RALGAPA1: variants seen among roughly 807,000 people sequenced by gnomAD.
RALGAPA1 encodes ral GTPase-activating protein subunit alpha-1.
Under a neutral mutation model 269.6 loss-of-function variants are expected in RALGAPA1, and 52 were observed. The ratio of observed to expected loss-of-function variants is 0.19; its 90% confidence interval spans 0.15 to 0.24. RALGAPA1 has a LOEUF of 0.24. Ranked by LOEUF, RALGAPA1 falls within the 10% of genes least tolerant of loss-of-function variation. RALGAPA1 has a pLI of 1.00. For synonymous variants in RALGAPA1, 817 were observed against 1,008.3 expected, an observed-to-expected ratio of 0.81 and a Z score of 3.60; for missense variants, 1,917 against 3,013.9, an observed-to-expected ratio of 0.64 and a Z score of 8.52.
intron 3 of RALGAPA1, among the ~76,000 whole-genome samples, chr14:35,771,669 T>C (rs941578160): frequency 1.3e-5 from 2 of 152,172 alleles, no homozygotes; most frequent in Admixed American, 1.3e-4. Flanking sequence ...TTCTTTTTTT[T>C]CCCCCTTTAG....
chr14:35,790,071 G>A (rs2076049501), intron 1 of RALGAPA1, among the ~76,000 whole-genome samples: 1 of 151,984 alleles, frequency 6.6e-6, no homozygotes, highest in Non-Finnish European at 1.5e-5. Context: ...TAGCCAACAT[G>A]GTGAAACCCC....
At chr14:35,652,429 A>G (rs2062894124) in intron 30 of RALGAPA1, among the ~76,000 whole-genome samples, 1 of 151,202 alleles carries the variant, frequency 6.6e-6, no homozygotes, top group Non-Finnish European at 1.5e-5. Context: ...CTTTTTATTT[A>G]TTTATTTTTT....
intron 41 of RALGAPA1, chr14:35,541,918 CAGAGAGAGAGG>C: frequency 1.5e-6 from 1 of 649,100 alleles, no homozygotes; most frequent in Non-Finnish European, 2.5e-6. Context: ...AACTGAGGAG[CAGAGAGAGAGG>C]AATCAAGGTT....
At chr14:35,781,575 AATCTATCT>A (rs34164383) in intron 1 of RALGAPA1, among the ~76,000 whole-genome samples, 46,531 of 150,670 alleles carry the variant, frequency 0.31, 9,202 homozygotes, top group African/African-American at 0.55. Context: ...TAGAAAACTG[AATCTATCT>A]ATCTATCTAT....
At chr14:35,592,703 C>G (rs1355603207) in intron 37 of RALGAPA1, among the ~76,000 whole-genome samples, 1 of 152,140 alleles carries the variant, frequency 6.6e-6, no homozygotes, top group East Asian at 1.9e-4. Context: ...TTAACACACA[C>G]AAATCAATTG....
chr14:35,768,394 TA>T (rs1388337823), intron 4 of RALGAPA1, among the ~76,000 whole-genome samples: 2 of 152,220 alleles, frequency 1.3e-5, no homozygotes, highest in East Asian at 3.9e-4. Flanking sequence ...GAATGTTTTA[TA>T]AAATATAAAA....
rs562498710 is a variant in RALGAPA1, at chr14:35,651,448, C to T, written c.5676+357G>A. Among the ~76,000 whole-genome samples, 8 of 152,180 alleles carry T rather than the reference C, an allele frequency of 5.3e-5. No homozygotes were observed. The South Asian group carries it at 1.7e-3, about 32-fold the overall frequency. ...CGTATCTCTATATATTTTATCTTTA[C>T]TTTCTATCTATACAAAAACAAGTGG... On this transcript the variant is annotated intron_variant, in intron 31 of 41. Coordinates refer to ENST00000680220, the MANE Select transcript of RALGAPA1 (RefSeq NM_001346249.2).
chr14:35,592,050 C>T (rs1387237370), intron 37 of RALGAPA1, among the ~76,000 whole-genome samples: 1 of 152,166 alleles, frequency 6.6e-6, no homozygotes, highest in Non-Finnish European at 1.5e-5. Context: ...GTCAATTACA[C>T]CTCTTTTGTT....
intron 16 of RALGAPA1, among the ~76,000 whole-genome samples, chr14:35,710,696 TAA>T (rs1711639645): frequency 6.6e-6 from 1 of 152,368 alleles, no homozygotes; most frequent in Admixed American, 6.5e-5. Flanking sequence ...TTATGGATTA[TAA>T]AACTCAATTT....
intron 1 of RALGAPA1, among the ~76,000 whole-genome samples, chr14:35,794,682 T>C (rs1386510291): frequency 6.6e-6 from 1 of 152,152 alleles, no homozygotes; most frequent in African/African-American, 2.4e-5. Context: ...TGGTCTCATC[T>C]CCTGACCTCG....
At chr14:35,570,224 C>T (rs915828254) in intron 39 of RALGAPA1, among the ~76,000 whole-genome samples, 9 of 149,958 alleles carry the variant, frequency 6.0e-5, no homozygotes, top group African/African-American at 1.5e-4. Context: ...GAGCTGAGAT[C>T]GTGCCACTGC....
intron 37 of RALGAPA1, among the ~76,000 whole-genome samples, chr14:35,587,104 G>T (rs2058346641): frequency 1.3e-5 from 2 of 152,096 alleles, no homozygotes; most frequent in Non-Finnish European, 2.9e-5. Context: ...GACTGTTGTT[G>T]GTTTGTAGGC....
rs567243582 is a variant in RALGAPA1, at chr14:35,597,635, A to G, written c.7054-1846T>C. Among the ~76,000 whole-genome samples the G allele has an allele frequency of 2.0e-4, 30 of 152,264 alleles. No homozygotes were observed. The South Asian group carries it at 6.2e-3, about 32-fold the overall frequency. On this transcript the variant is annotated intron_variant, in intron 36 of 41. Transcript: ENST00000680220. Reference sequence around the variant, plus strand: ...CTGACGACATTGATATAGTTAAGAGAGCATGTTCAAAAATTCAAGAATCCC... The same window carrying G: ...CTGACGACATTGATATAGTTAAGAGGGCATGTTCAAAAATTCAAGAATCCC...
intron 30 of RALGAPA1, among the ~76,000 whole-genome samples, chr14:35,654,000 G>A (rs1465749835): frequency 1.3e-5 from 2 of 152,092 alleles, no homozygotes; most frequent in African/African-American, 4.8e-5. Context: ...CTAATAAATT[G>A]TTTTTTGTTT....
chr14:35,648,118 AAAC>A (rs2062573174), intron 31 of RALGAPA1, among the ~76,000 whole-genome samples: 1 of 151,408 alleles, frequency 6.6e-6, no homozygotes, highest in Non-Finnish European at 1.5e-5. Flanking sequence ...CTACTGAAAA[AAAC>A]AAAAAAAAAA....
chr14:35,748,816 A>G lies in RALGAPA1; in HGVS notation c.1020T>C (p.Ala340=), dbSNP rs576888485. 55 of 1,582,860 alleles carry G rather than the reference A, an allele frequency of 3.5e-5. 1 individual carries two copies. The highest frequency in any genetic ancestry group is 1.9e-4 in the Middle Eastern group (1 of 5,364). ...TTTCTTCTCTGGATACTAAACTAGC[A>G]GCTGCTCTCTAAAATACAAAAAAAA... The part of the protein sequence containing the change: ...EVLPKNIQRA[A]ASLVSREESK... The change falls in exon 10 of 42, where the codon GCT becomes GCC. Residue 340 remains alanine (A), a synonymous_variant. Coordinates refer to ENST00000680220, the MANE Select transcript of RALGAPA1 (RefSeq NM_001346249.2).
chr14:35,703,417 T>C (rs2067533783), intron 16 of RALGAPA1, among the ~76,000 whole-genome samples: 1 of 152,178 alleles, frequency 6.6e-6, no homozygotes, highest in African/African-American at 2.4e-5. Context: ...AGGTCAACGC[T>C]ACAATGAGCC....
chr14:35,593,311 TATAAA>T (rs1434990271), intron 37 of RALGAPA1, among the ~76,000 whole-genome samples: 1 of 152,160 alleles, frequency 6.6e-6, no homozygotes, highest in Non-Finnish European at 1.5e-5. Flanking sequence ...CTCTGAAAAC[TATAAA>T]ACATTGATGA....
At chr14:35,708,893 C>T (rs181296194) in intron 16 of RALGAPA1, among the ~76,000 whole-genome samples, 7 of 152,228 alleles carry the variant, frequency 4.6e-5, no homozygotes, top group Admixed American at 6.5e-5. Flanking sequence ...GGTATATATA[C>T]GCAATGAAGT....
Sources: allele counts gnomAD v4.1 joint callset (sites outside exome capture counted in the v4.1 genomes callset), GRCh38; gene constraint gnomAD v4.1.1; transcripts MANE v1.5; gene names NCBI Gene and HGNC (gene_info 2026-07-23, HGNC 2026-07-21).